ZFP69B: variants seen among roughly 807,000 people sequenced by gnomAD.
The protein encoded by ZFP69B is zinc finger protein 69 homolog B.
ZFP69B carries 20 observed loss-of-function variants against 19.7 expected under a neutral mutation model. The ratio of observed to expected loss-of-function variants is 1.02; its 90% CI spans 0.71 to 1.48. The LOEUF is 1.48. Ranked by LOEUF, ZFP69B falls within the 40% of genes most tolerant of loss-of-function variation. ZFP69B has a pLI of 0.00. For missense variants in ZFP69B, 583 were observed against 632.6 expected, an observed-to-expected ratio of 0.92 and a Z score of 0.84; for synonymous variants, 220 against 222.7, an observed-to-expected ratio of 0.99 and a Z score of 0.11.
At position 40,450,825 on chromosome 1, in the gene ZFP69B, GAGT is replaced by G. The variant is rs1645178379; in HGVS notation, c.-134_-132del. The G allele has an allele frequency of 1.0e-6, 1 of 967,966 alleles. No individual in the cohort carries two copies. The allele number at this position is 967,966 out of a possible 1,614,324, so 60.0% of individuals were successfully genotyped here. A position where few individuals can be genotyped will look rare whatever the true frequency, so the allele number is the denominator to read the frequency against. On this transcript the variant is annotated 5_prime_UTR_variant, in exon 1 of 5. The change abolishes the stop of an existing upstream ORF in the 5' untranslated region. Coordinates refer to ENST00000361584, the MANE Select transcript of ZFP69B (RefSeq NM_023070.3). The stretch of plus-strand genomic sequence containing the variant: ...TGGGTTCCTGAGAGAGGACATTGAG[GAGT>G]AGGAGTCGGCGATTAAGGAGATCGG...
intron 4 of ZFP69B, among the ~76,000 whole-genome samples, chr1:40,460,752 G>A (rs994920706): frequency 4.6e-5 from 7 of 152,106 alleles, no homozygotes; most frequent in Admixed American, 4.6e-4. Context: ...GGAGGCCGAG[G>A]CGGGCGGATC....
chr1:40,461,356 T>C (rs1415288408), intron 4 of ZFP69B, among the ~76,000 whole-genome samples: 1 of 152,178 alleles, frequency 6.6e-6, no homozygotes, highest in East Asian at 1.9e-4. Flanking sequence ...TGCTATCCTT[T>C]GTTAAAAGTC....
chr1:40,452,493 A>G (rs1303207924), intron 1 of ZFP69B, among the ~76,000 whole-genome samples: 1 of 152,198 alleles, frequency 6.6e-6, no homozygotes, highest in African/African-American at 2.4e-5. Context: ...AATGAGATAA[A>G]CCTCACATTG....
At chr1:40,457,207 G>A (rs905996480) in intron 3 of ZFP69B, 136 bp downstream of exon 3, 5 of 1,494,024 alleles carry the variant, frequency 3.3e-6, no homozygotes, top group Non-Finnish European at 4.6e-6. Flanking sequence ...AGTCAGGATT[G>A]CTATGCTCTT....
At chr1:40,459,046 A>C (rs919234520) in intron 4 of ZFP69B, among the ~76,000 whole-genome samples, 5 of 152,322 alleles carry the variant, frequency 3.3e-5, no homozygotes, top group Non-Finnish European at 7.4e-5. Context: ...TTCTCTTAAC[A>C]GGAGAGACCT....
In ZFP69B at chr1:40,457,378, G is replaced by T; in HGVS notation, c.375G>T (p.Gln125His). ...TTTCCAAACCTGGCGTGATTTCCCA[G>T]TTGGAGAAAGGAGAAGAACCATGGC... ...CQLSKPGVIS[Q>H]LEKGEEPWLM... Residue 125 changes from glutamine (Q) to histidine (H), a missense_variant, in exon 4 of 5, where the codon CAG (glutamine) becomes CAT (histidine). By Grantham distance (24) the Gln-to-His change is conservative (BLOSUM62 0). Transcript: ENST00000361584. 2 of 1,614,170 alleles carry T rather than the reference G, an allele frequency of 1.2e-6. No individual in the cohort carries two copies. Among genetic ancestry groups the T allele is most frequent in the African/African-American group, 1.3e-5 (1 of 75,054 alleles).
intron 4 of ZFP69B, among the ~76,000 whole-genome samples, chr1:40,462,215 T>C (rs1161542977): frequency 6.6e-6 from 1 of 152,112 alleles, no homozygotes; most frequent in Non-Finnish European, 1.5e-5. Context: ...CCACCGCACC[T>C]GGTCCACCTT....
At chr1:40,458,046 C>T (rs1311684680) in intron 4 of ZFP69B, among the ~76,000 whole-genome samples, 1 of 152,104 alleles carries the variant, frequency 6.6e-6, no homozygotes, top group African/African-American at 2.4e-5. Flanking sequence ...CAGGTATTTA[C>T]CTGGGTTCTC....
At chr1:40,458,241 A>T (rs535948945) in intron 4 of ZFP69B, among the ~76,000 whole-genome samples, 1 of 152,240 alleles carries the variant, frequency 6.6e-6, no homozygotes, top group Non-Finnish European at 1.5e-5. Context: ...ACACGACTGC[A>T]TTAGATTACA....
intron 4 of ZFP69B, among the ~76,000 whole-genome samples, chr1:40,457,955 G>A (rs549152322): frequency 6.6e-6 from 1 of 152,306 alleles, no homozygotes; most frequent in Admixed American, 6.5e-5. Context: ...GGCTCTTTGA[G>A]AAATCAACCA....
At position 40,462,698 on chromosome 1, in the gene ZFP69B, T is replaced by C; in HGVS notation, c.714T>C (p.Val238=). The part of the protein sequence containing the change: ...FEKRINVKSE[V]MPGPIGLPRK... The stretch of plus-strand genomic sequence containing the variant: ...AAAGAATTAATGTGAAGTCAGAAGT[T>C]ATGCCAGGACCAATAGGTCTTCCAA... The change falls in exon 5 of 5, where the codon GTT becomes GTC. Residue 238 remains valine (V), a synonymous_variant. Transcript: ENST00000361584. The C allele has an allele frequency of 1.2e-6, 2 of 1,614,102 alleles. No homozygotes were observed. Among genetic ancestry groups the C allele is most frequent in the Non-Finnish European group, 1.7e-6 (2 of 1,180,024 alleles).
intron 2 of ZFP69B, among the ~76,000 whole-genome samples, chr1:40,454,854 T>C (rs999210301): frequency 2.0e-5 from 3 of 151,772 alleles, no homozygotes; most frequent in Non-Finnish European, 2.9e-5. Context: ...TGAGGCCGCA[T>C]GTGTGTGTGA....
At chr1:40,451,396 C>T (rs771198721) in intron 1 of ZFP69B, among the ~76,000 whole-genome samples, 9 of 152,092 alleles carry the variant, frequency 5.9e-5, no homozygotes, top group Admixed American at 2.0e-4. Flanking sequence ...AAATGGGAGG[C>T]CTGCCCAGGG....
chr1:40,462,186 C>G (rs1446297095), intron 4 of ZFP69B, among the ~76,000 whole-genome samples: 1 of 152,160 alleles, frequency 6.6e-6, no homozygotes, highest in Non-Finnish European at 1.5e-5. Context: ...TCCTAAAATG[C>G]TGGGATGATA....
intron 4 of ZFP69B, among the ~76,000 whole-genome samples, chr1:40,461,860 T>C (rs896350641): frequency 1.3e-5 from 2 of 152,194 alleles, no homozygotes; most frequent in South Asian, 4.1e-4. Context: ...TATTAGTTTA[T>C]ATCCTCTTGC....
intron 1 of ZFP69B, 36 bp downstream of exon 1, chr1:40,451,124 C>T (rs1369830416): frequency 2.7e-6 from 4 of 1,493,164 alleles, no homozygotes; most frequent in Non-Finnish European, 3.6e-6. Flanking sequence ...GGAGGAAAAG[C>T]AGTCCCCTCT....
Position 40,462,712 on chromosome 1 carries a change from T to G in ZFP69B, c.728T>G (p.Ile243Arg). The G allele has an allele frequency of 1.2e-6, 2 of 1,614,122 alleles. No homozygotes were observed. Among genetic ancestry groups the G allele is most frequent in the South Asian group, 2.2e-5 (2 of 91,084 alleles). Reference protein sequence around the residue: ...NVKSEVMPGPIGLPRKRDRKY... With the variant: ...NVKSEVMPGPRGLPRKRDRKY... ...AAGTCAGAAGTTATGCCAGGACCAA[T>G]AGGTCTTCCAAGAAAAAGAGATCGT... The change falls in exon 5 of 5, where the codon ATA becomes AGA. Residue 243 changes from isoleucine to arginine, a missense_variant. By Grantham distance (97) the Ile-to-Arg change is moderately conservative. Transcript: ENST00000361584.
intron 1 of ZFP69B, among the ~76,000 whole-genome samples, chr1:40,451,878 A>G (rs1401477252): frequency 6.6e-6 from 1 of 152,198 alleles, no homozygotes; most frequent in Non-Finnish European, 1.5e-5. Flanking sequence ...TGGGAAGCCA[A>G]GGTGGGCGGA....
rs773126037 is a variant in ZFP69B, at chr1:40,462,922, G to A, written c.938G>A (p.Gly313Glu). 22 of 1,614,100 alleles carry A rather than the reference G, an allele frequency of 1.4e-5. No individual in the cohort carries two copies. The highest frequency in any genetic ancestry group is 1.6e-4 in the Middle Eastern group (1 of 6,062). ...GEKPFRCKEC[G>E]KAFSQSSSLI... ...AAACCTTTCAGATGTAAGGAATGTG[G>A]AAAAGCCTTTAGCCAAAGTTCATCT... Residue 313 changes from glycine (G) to glutamate (E), a missense_variant, in exon 5 of 5, where the codon GGA (glycine) becomes GAA (glutamate). Physicochemically the swap from Gly to Glu is moderately conservative, Grantham distance 98 (BLOSUM62 -2). Coordinates refer to ENST00000361584, the MANE Select transcript of ZFP69B (RefSeq NM_023070.3).
Sources: allele counts gnomAD v4.1 joint callset (sites outside exome capture counted in the v4.1 genomes callset), GRCh38; gene constraint gnomAD v4.1.1; transcripts MANE v1.5; gene names NCBI Gene and HGNC (gene_info 2026-07-23, HGNC 2026-07-21).